Variants in CNTNAP2 observed in about 807,000 individuals in gnomAD.
The protein encoded by CNTNAP2 is contactin associated protein 2.
In CNTNAP2, 98 loss-of-function variants were observed where a neutral mutation model predicts 155.2. The observed-to-expected ratio is 0.63, with a 90% CI of 0.54 to 0.75. CNTNAP2 has a LOEUF of 0.75. Ranked by LOEUF, CNTNAP2 falls within the 30% of genes least tolerant of loss-of-function variation. The pLI is 0.00. For synonymous variants in CNTNAP2, 651 were observed against 631.2 expected (o/e 1.03, Z -0.47); for missense variants, 1,727 against 1,688.1 (o/e 1.02, Z -0.40).
At chr7:146,901,448 G>T (rs1795993111) in intron 3 of CNTNAP2, among the ~76,000 whole-genome samples, 1 of 152,146 alleles carries the variant, frequency 6.6e-6, no homozygotes, top group South Asian at 2.1e-4. Flanking sequence ...CACAGGGAAA[G>T]AATTAAAGAG....
chr7:146,602,374 G>A (rs2129152023), intron 1 of CNTNAP2, among the ~76,000 whole-genome samples: 1 of 152,274 alleles, frequency 6.6e-6, no homozygotes, highest in African/African-American at 2.4e-5. Flanking sequence ...AGCATCTAAT[G>A]TTGCAATAGG....
intron 1 of CNTNAP2, among the ~76,000 whole-genome samples, chr7:146,143,122 C>T (rs555495759): frequency 6.6e-6 from 1 of 152,298 alleles, no homozygotes; most frequent in Non-Finnish European, 1.5e-5. Flanking sequence ...TGGAATCACT[C>T]TGTGTGGCTC....
intron 1 of CNTNAP2, among the ~76,000 whole-genome samples, chr7:146,408,093 A>G (rs554478205): frequency 5.3e-5 from 8 of 152,288 alleles, no homozygotes; most frequent in African/African-American, 1.7e-4. Flanking sequence ...TTTCAACTGT[A>G]TGGGGAGTCA....
chr7:148,336,027 T>G (rs1378680843), intron 21 of CNTNAP2, among the ~76,000 whole-genome samples: 2 of 152,198 alleles, frequency 1.3e-5, no homozygotes, highest in African/African-American at 4.8e-5. Flanking sequence ...CCTGCCCCAA[T>G]ATCTACATAT....
chr7:147,053,956 A>C (rs1299297445), intron 4 of CNTNAP2, among the ~76,000 whole-genome samples: 1 of 152,118 alleles, frequency 6.6e-6, no homozygotes, highest in Non-Finnish European at 1.5e-5. Context: ...CCAATCCTCT[A>C]TTTTACTAAC....
rs1316273357 is a variant in CNTNAP2 at position 146,483,283 on chromosome 7, ATATATAT to A, written c.98-290987_98-290981del. 9.1e-3 allele frequency among the ~76,000 whole-genome samples: 573 copies of A among 62,704 alleles called. 20 individuals are homozygous for A. Among genetic ancestry groups the A allele is most frequent in the African/African-American group, 0.015 (325 of 21,330 alleles). The allele number at this position is 62,704 out of a possible 152,430, so 41.1% of individuals were successfully genotyped here. ...AGAGCAAGACTCCGTCTAAAAAAAA[ATATATAT>A]ATATATATATATATATATATATATA... On this transcript the variant is annotated intron_variant, in intron 1 of 23. Coordinates refer to ENST00000361727, the MANE Select transcript of CNTNAP2 (RefSeq NM_014141.6).
At chr7:146,201,639 AGTGTGTGTGTGTGTGTGT>A (rs57595774) in intron 1 of CNTNAP2, among the ~76,000 whole-genome samples, 1 of 146,788 alleles carries the variant, frequency 6.8e-6, no homozygotes. Flanking sequence ...ATGTCCCACG[AGTGTGTGTGTGTGTGTGT>A]GTGTGTGTGT....
intron 13 of CNTNAP2, among the ~76,000 whole-genome samples, chr7:147,794,295 T>G (rs1365581739): frequency 6.6e-6 from 1 of 152,022 alleles, no homozygotes; most frequent in Non-Finnish European, 1.5e-5. Context: ...GGTTATTTTC[T>G]AGGTGTCCTT....
At chr7:147,317,036 T>G (rs890891635) in intron 9 of CNTNAP2, among the ~76,000 whole-genome samples, 2 of 152,220 alleles carry the variant, frequency 1.3e-5, no homozygotes, top group East Asian at 3.9e-4. Context: ...CTTAGTTTTA[T>G]CTTAATGCAA....
chr7:147,091,756 C>T (rs1314645058), intron 4 of CNTNAP2, among the ~76,000 whole-genome samples: 2 of 152,118 alleles, frequency 1.3e-5, no homozygotes, highest in African/African-American at 2.4e-5. Context: ...CAGGTCCCCT[C>T]CATCATGCCC....
intron 3 of CNTNAP2, among the ~76,000 whole-genome samples, chr7:146,918,816 T>G (rs957410202): frequency 7.2e-5 from 11 of 152,366 alleles, no homozygotes; most frequent in Admixed American, 2.6e-4. Context: ...GAAACACCAA[T>G]TATTCTTAGG....
intron 13 of CNTNAP2, among the ~76,000 whole-genome samples, chr7:147,745,136 G>A (rs996516907): frequency 6.6e-6 from 1 of 152,184 alleles, no homozygotes; most frequent in Non-Finnish European, 1.5e-5. Context: ...TCCTTCTGCA[G>A]TGAAATTGCA....
intron 2 of CNTNAP2, among the ~76,000 whole-genome samples, chr7:146,795,724 T>C (rs1802756975): frequency 6.6e-6 from 1 of 152,192 alleles, no homozygotes; most frequent in African/African-American, 2.4e-5. Context: ...CAAAATCTTA[T>C]GGATTCTAGC....
intron 10 of CNTNAP2, among the ~76,000 whole-genome samples, chr7:147,401,115 T>C (rs534000596): frequency 6.6e-6 from 1 of 152,328 alleles, no homozygotes; most frequent in South Asian, 2.1e-4. Flanking sequence ...CAAATTCATA[T>C]TGTTAGAGCC....
chr7:146,558,513 A>G (rs1431780542), intron 1 of CNTNAP2, among the ~76,000 whole-genome samples: 2 of 152,162 alleles, frequency 1.3e-5, no homozygotes, highest in African/African-American at 4.8e-5. Context: ...CCTTGAAGCC[A>G]TCACCACAAT....
At chr7:146,522,788 A>G (rs1352841089) in intron 1 of CNTNAP2, among the ~76,000 whole-genome samples, 4 of 149,908 alleles carry the variant, frequency 2.7e-5, no homozygotes, top group Non-Finnish European at 5.9e-5. Context: ...TTTAAAAAAT[A>G]AAATAATATC....
At chr7:146,570,539 G>T (rs1423358061) in intron 1 of CNTNAP2, among the ~76,000 whole-genome samples, 1 of 152,088 alleles carries the variant, frequency 6.6e-6, no homozygotes, top group East Asian at 1.9e-4. Context: ...ATTGAAGCAG[G>T]TATATCTCTA....
intron 21 of CNTNAP2, among the ~76,000 whole-genome samples, chr7:148,345,875 G>A (rs1434897051): frequency 1.3e-5 from 2 of 152,204 alleles, no homozygotes; most frequent in East Asian, 1.9e-4. Flanking sequence ...GACATTTGAT[G>A]TAAATAGTAC....
intron 3 of CNTNAP2, among the ~76,000 whole-genome samples, chr7:146,994,370 G>A (rs1245975703): frequency 2.0e-5 from 3 of 152,022 alleles, no homozygotes; most frequent in African/African-American, 7.2e-5. Context: ...GTGCATTACT[G>A]TTAAAGTTCT....
Sources: allele counts gnomAD v4.1 joint callset (sites outside exome capture counted in the v4.1 genomes callset), GRCh38; gene constraint gnomAD v4.1.1; transcripts MANE v1.5; gene names NCBI Gene and HGNC (gene_info 2026-07-23, HGNC 2026-07-21).